Variants in KCNK12 observed in about 807,000 individuals in gnomAD.
KCNK12 encodes potassium channel subfamily K member 12.
KCNK12 carries 6 observed loss-of-function variants against 25.3 expected under a neutral mutation model. The observed-to-expected ratio is 0.24, with a 90% confidence interval of 0.13 to 0.47. The LOEUF is 0.47. KCNK12 is among the 20% of genes least tolerant of loss of function. The pLI, the probability that KCNK12 is intolerant of heterozygous loss-of-function variation, is 0.99. For synonymous variants in KCNK12, 331 were observed against 311.1 expected (o/e 1.06, Z -0.67); for missense variants, 444 against 661.7 (o/e 0.67, Z 3.61).
Position 47,569,331 on chromosome 2 carries a change from A to G in KCNK12, c.391+610T>C, listed in dbSNP as rs1572615510. On this transcript the variant is annotated intron_variant, in intron 1 of 1. Coordinates refer to ENST00000327876, the MANE Select transcript of KCNK12 (RefSeq NM_022055.2). The surrounding 1 kb of genome is among the most constrained non-coding windows in gnomAD (Gnocchi z 4.1). The stretch of plus-strand genomic sequence containing the variant: ...AGAACACAAGGAAGGGAGGCAGAAC[A>G]ACAGCAGCTGAAGTCCTGGCCTCAG... 3.3e-5 allele frequency among the ~76,000 whole-genome samples: 5 copies of G among 152,206 alleles called. No individual in the cohort carries two copies. The South Asian group carries it at 1.0e-3, about 32-fold the overall frequency.
chr2:47,523,851 A>G (rs1327493113), intron 1 of KCNK12, among the ~76,000 whole-genome samples: 1 of 152,238 alleles, frequency 6.6e-6, no homozygotes, highest in African/African-American at 2.4e-5. Context: ...CAGAAGGGCT[A>G]CCTGTGCTCT....
chr2:47,534,432 G>GCCCCCC (rs11406660), intron 1 of KCNK12, among the ~76,000 whole-genome samples: 31 of 117,300 alleles, frequency 2.6e-4, no homozygotes, highest in Admixed American at 6.4e-4. Context: ...CCGTCTCCAG[G>GCCCCCC]CCCCCCCCAC....
intron 1 of KCNK12, among the ~76,000 whole-genome samples, chr2:47,539,337 C>T (rs1212910940): frequency 2.0e-5 from 3 of 152,182 alleles, no homozygotes; most frequent in African/African-American, 7.2e-5. Flanking sequence ...TGTTTATATG[C>T]TCTCAATCAA....
rs1291557004 is a variant in KCNK12 at position 47,569,528 on chromosome 2, GAAAT to G, written c.391+409_391+412del. ...AAGAAAGCGGGGGAGACTATGAAAA[GAAAT>G]AAAAGCGCCGAGGGTGGAGGGAGAA... On this transcript the variant is annotated intron_variant, in intron 1 of 1. Coordinates refer to ENST00000327876, the MANE Select transcript of KCNK12 (RefSeq NM_022055.2). This position sits in a 1 kb window ranked among gnomAD's most constrained non-coding sequence, Gnocchi z 4.1. Among the ~76,000 whole-genome samples, 2 of 150,994 alleles carry G rather than the reference GAAAT, an allele frequency of 1.3e-5. No individual in the cohort carries two copies. Among genetic ancestry groups the G allele is most frequent in the African/African-American group, 2.4e-5 (1 of 41,248 alleles).
rs1366920441 is a variant in KCNK12, at chr2:47,547,638, C to T, written c.391+22303G>A. Among the ~76,000 whole-genome samples the T allele has an allele frequency of 6.6e-6, 1 of 152,086 alleles. No individual in the cohort carries two copies. Among genetic ancestry groups the T allele is most frequent in the Non-Finnish European group, 1.5e-5 (1 of 68,018 alleles). The stretch of plus-strand genomic sequence containing the variant: ...TTTGAGATGGAGTCTCATTCTGTCA[C>T]CCAGGCTGGAGTGCAGTACCATGAT... On this transcript the variant is annotated intron_variant, in intron 1 of 1. Transcript: ENST00000327876. This position sits in a 1 kb window ranked among gnomAD's most constrained non-coding sequence, Gnocchi z 5.0.
chr2:47,516,477 A>G lies in KCNK12; in HGVS notation c.*4430T>C, dbSNP rs1043266566. 1.3e-5 allele frequency: 2 copies of G among 152,186 alleles called. No homozygotes were observed. Among genetic ancestry groups the G allele is most frequent in the African/African-American group, 4.8e-5 (2 of 41,438 alleles). The allele number at this position is 152,186 out of a possible 1,614,324, so 9.4% of individuals were successfully genotyped here. A position where few individuals can be genotyped will look rare whatever the true frequency, so the allele number is the denominator to read the frequency against. ...CCCAGTGATGCTGCCACTGGGCCCC[A>G]TCCTAACAGTGAAGTCCCCCGGGCC... On this transcript the variant is annotated 3_prime_UTR_variant, in exon 2 of 2. Transcript: ENST00000327876.
chr2:47,511,100 T>G lies in KCNK12; in HGVS notation c.*9807A>C, dbSNP rs1245319762. On this transcript the variant is annotated 3_prime_UTR_variant, in exon 2 of 2. Coordinates refer to ENST00000327876, the MANE Select transcript of KCNK12 (RefSeq NM_022055.2). This position sits in a 1 kb window ranked among gnomAD's most constrained non-coding sequence, Gnocchi z 4.3. The stretch of plus-strand genomic sequence containing the variant: ...CACACCGTAGGTTCTCACATATGTT[T>G]GTTGAGTGAATGAATACAATACCAA... The G allele has an allele frequency of 6.6e-6, 1 of 152,248 alleles. No homozygotes were observed. Among genetic ancestry groups the G allele is most frequent in the East Asian group, 1.9e-4 (1 of 5,204 alleles). 9.4% of individuals were successfully genotyped at this position (152,248 alleles called of 1,614,324 possible).
intron 1 of KCNK12, chr2:47,543,930 T>C (rs1376614438): frequency 3.3e-5 from 5 of 152,222 alleles, no homozygotes; most frequent in African/African-American, 1.2e-4. Flanking sequence ...ATTGAGGTTC[T>C]TTCTACCAAG....
In KCNK12 at chr2:47,554,673, T is replaced by C. The variant is rs183696317; in HGVS notation, c.391+15268A>G. 2.0e-5 allele frequency among the ~76,000 whole-genome samples: 3 copies of C among 152,326 alleles called. 1 individual carries two copies. The highest frequency in any genetic ancestry group is 2.0e-4 in the Admixed American group (3 of 15,304). On this transcript the variant is annotated intron_variant, in intron 1 of 1. Coordinates refer to ENST00000327876, the MANE Select transcript of KCNK12 (RefSeq NM_022055.2). ...CAGATTTTTTGCAACAGGAAGTCACTGAAGGATTTCAAACAAGCAAAGGAC... is the reference window on the plus strand; with the variant it reads ...CAGATTTTTTGCAACAGGAAGTCACCGAAGGATTTCAAACAAGCAAAGGAC...
rs1328817700 is a variant in KCNK12 at position 47,547,204 on chromosome 2, A to G, written c.391+22737T>C. Among the ~76,000 whole-genome samples, 1 of 152,132 alleles carries G rather than the reference A, an allele frequency of 6.6e-6. No individual in the cohort carries two copies. The highest frequency in any genetic ancestry group is 1.9e-4 in the East Asian group (1 of 5,190). The stretch of plus-strand genomic sequence containing the variant: ...TCATCTTCAAGGGCACTGCGGCTCA[A>G]TCTTCAGATCTCTTCTTTTCTGGCT... On this transcript the variant is annotated intron_variant, in intron 1 of 1. Coordinates refer to ENST00000327876, the MANE Select transcript of KCNK12 (RefSeq NM_022055.2). This position sits in a 1 kb window ranked among gnomAD's most constrained non-coding sequence, Gnocchi z 5.0.
In KCNK12 at chr2:47,570,204, G is replaced by T. The variant is rs1179513801; in HGVS notation, c.128C>A (p.Ala43Glu). 3 of 1,498,512 alleles carry T rather than the reference G, an allele frequency of 2.0e-6. No individual in the cohort carries two copies. The highest frequency in any genetic ancestry group is 1.2e-5 in the South Asian group (1 of 81,384). 92.8% of individuals were successfully genotyped at this position (1,498,512 alleles called of 1,614,324 possible). The change falls in exon 1 of 2, where the codon GCG (alanine) becomes GAG (glutamate). Residue 43 changes from alanine (A) to glutamate (E), a missense_variant. Coordinates refer to ENST00000327876, the MANE Select transcript of KCNK12 (RefSeq NM_022055.2). ...CACCAGGTAGAGGCCGATGAGCGCC[G>T]CCAGCAGCACGAAGCGGCCGGTGTC... ...NEDTGRFVLL[A>E]ALIGLYLVAG...
Position 47,520,757 on chromosome 2 carries a change from C to G in KCNK12, c.*150G>C, listed in dbSNP as rs1489176152. 2.6e-5 allele frequency: 13 copies of G among 505,908 alleles called. No homozygotes were observed. The highest frequency in any genetic ancestry group is 2.0e-5 in the African/African-American group (1 of 50,806). 31.3% of individuals were successfully genotyped at this position (505,908 alleles called of 1,614,324 possible). On this transcript the variant is annotated 3_prime_UTR_variant, in exon 2 of 2. Transcript: ENST00000327876. The surrounding 1 kb of genome is among the most constrained non-coding windows in gnomAD (Gnocchi z 5.0). ...AAACCTGCCCTTGATAACATCAGGC[C>G]TGGCCAAATAGTATTTCTTTAAAAA...
intron 1 of KCNK12, among the ~76,000 whole-genome samples, chr2:47,524,062 A>C (rs1175853007): frequency 6.6e-6 from 1 of 152,194 alleles, no homozygotes; most frequent in East Asian, 1.9e-4. Context: ...CTTACGCTTA[A>C]TGACTCAGGT....
At position 47,551,858 on chromosome 2, in the gene KCNK12, C is replaced by T. The variant is rs532045215; in HGVS notation, c.391+18083G>A. ...AATGACATGTGTCTCACTACAGTGG[C>T]ATTACAGAGAAAGCCTGGAAACATT... On this transcript the variant is annotated intron_variant, in intron 1 of 1. Transcript: ENST00000327876. This position sits in a 1 kb window ranked among gnomAD's most constrained non-coding sequence, Gnocchi z 5.3. Among the ~76,000 whole-genome samples the T allele has an allele frequency of 1.5e-3, 227 of 152,302 alleles. 2 individuals carry two copies. The highest frequency in any genetic ancestry group is 5.3e-3 in the African/African-American group (219 of 41,562).
intron 1 of KCNK12, among the ~76,000 whole-genome samples, chr2:47,524,463 C>T (rs1184279711): frequency 1.3e-5 from 2 of 152,198 alleles, no homozygotes; most frequent in Non-Finnish European, 2.9e-5. Flanking sequence ...CAAAATAATA[C>T]ATTCTGCATT....
In KCNK12 at chr2:47,520,933, G is replaced by A; in HGVS notation, c.1267C>T (p.Leu423=). 3.1e-6 allele frequency: 4 copies of A among 1,275,772 alleles called. No homozygotes were observed. Among genetic ancestry groups the A allele is most frequent in the South Asian group, 2.6e-5 (1 of 38,160 alleles). The allele number at this position is 1,275,772 out of a possible 1,614,324, so 79.0% of individuals were successfully genotyped here. The part of the protein sequence containing the change: ...VGALGIMNNR[L]AETSASR ...TACCTGGAGGCGCTGGTCTCGGCCA[G>A]CCGGTTGTTCATGATGCCCAGCGCG... is the stretch of plus-strand genomic sequence containing the variant. Residue 423 remains leucine, a synonymous_variant, in exon 2 of 2, where the codon CTG becomes TTG. Transcript: ENST00000327876. The surrounding 1 kb of genome is among the most constrained non-coding windows in gnomAD (Gnocchi z 5.0).
chr2:47,561,198 G>A (rs1336431987), intron 1 of KCNK12, among the ~76,000 whole-genome samples: 1 of 152,182 alleles, frequency 6.6e-6, no homozygotes. Context: ...AAACAAGGAG[G>A]GTGGCCAGGA....
chr2:47,535,449 C>G (rs1396523602), intron 1 of KCNK12, among the ~76,000 whole-genome samples: 1 of 152,142 alleles, frequency 6.6e-6, no homozygotes, highest in African/African-American at 2.4e-5. Context: ...CACCCCTCCT[C>G]TAATGGGGGC....
At position 47,538,227 on chromosome 2, in the gene KCNK12, A is replaced by G. The variant is rs572027877; in HGVS notation, c.392-16419T>C. Among the ~76,000 whole-genome samples the G allele has an allele frequency of 6.6e-6, 1 of 152,370 alleles. No individual in the cohort carries two copies. The highest frequency in any genetic ancestry group is 1.5e-5 in the Non-Finnish European group (1 of 68,038). On this transcript the variant is annotated intron_variant, in intron 1 of 1. Coordinates refer to ENST00000327876, the MANE Select transcript of KCNK12 (RefSeq NM_022055.2). This position sits in a 1 kb window ranked among gnomAD's most constrained non-coding sequence, Gnocchi z 4.5. The stretch of plus-strand genomic sequence containing the variant: ...ACATTTCAGTATGGGAGATGGAATA[A>G]TAAACTACAAACAATTACGTGGCCT...
Sources: gnomAD v4.1 joint callset for allele counts (sites outside exome capture counted in the v4.1 genomes callset) on GRCh38, gnomAD v4.1.1 for gene constraint, Gnocchi (gnomAD v3.1) non-coding constraint, MANE v1.5 for transcripts, NCBI Gene and HGNC (gene_info 2026-07-23, HGNC 2026-07-21) for gene names.